The following NFX1 variants were observed in gnomAD, a reference collection of about 807,000 sequenced individuals.
NFX1 encodes the protein transcriptional repressor NF-X1.
NFX1 carries 69 observed loss-of-function variants against 137.2 expected under a neutral mutation model. That is an observed-to-expected ratio of 0.50 (90% confidence interval 0.41 to 0.61). NFX1 has a LOEUF of 0.61. Among genes scored for constraint, NFX1 ranks in the 20% least tolerant of loss-of-function variants. The pLI is 0.00. For missense variants in NFX1, 1,167 were observed against 1,391.0 expected, an observed-to-expected ratio of 0.84 and a Z score of 2.56; for synonymous variants, 495 against 474.1, an observed-to-expected ratio of 1.04 and a Z score of -0.57.
intron 2 of NFX1, among the ~76,000 whole-genome samples, chr9:33,298,238 C>A (rs908952887): frequency 4.6e-5 from 7 of 152,148 alleles, no homozygotes; most frequent in Admixed American, 2.6e-4. Context: ...GACATTTGAA[C>A]AGAGACAAGA....
Position 33,352,730 on chromosome 9 carries a change from C to T in NFX1, c.2729+11C>T, listed in dbSNP as rs1309463497. The T allele has an allele frequency of 6.2e-7, 1 of 1,609,696 alleles. No homozygotes were observed. Among genetic ancestry groups the T allele is most frequent in the Non-Finnish European group, 8.5e-7 (1 of 1,176,062 alleles). ...TAGTACTTATCAAAGGTTAGTGTTA[C>T]TTAAATGTTAACAACTGATGGCCTA... On this transcript the variant is annotated intron_variant, in intron 17 of 23. Transcript: ENST00000379540.
At position 33,332,792 on chromosome 9, in the gene NFX1, A is replaced by C. The variant is rs778955600; in HGVS notation, c.2035+290A>C. ...GATATGTATATGAAAAAATATGTTA[A>C]TGGTAGAATCTAGATATGGGCATAT... On this transcript the variant is annotated intron_variant, in intron 11 of 23. Coordinates refer to ENST00000379540, the MANE Select transcript of NFX1 (RefSeq NM_002504.6). The C allele has an allele frequency of 1.3e-4, 43 of 318,896 alleles. No individual in the cohort carries two copies. The East Asian group carries it at 2.3e-3, about 17-fold the overall frequency. 19.8% of individuals were successfully genotyped at this position (318,896 alleles called of 1,614,324 possible).
rs768771157 is a variant in NFX1, at chr9:33,301,318, A to G, written c.1089A>G (p.Glu363=). The part of the protein sequence containing the change: ...TEKYECMVCC[E]LVRVTAPVWS... ...AATACGAGTGCATGGTGTGCTGTGA[A>G]TTGGTTCGTGTCACGGCCCCAGTGT... Residue 363 remains glutamate, a synonymous_variant, in exon 3 of 24, where the codon GAA becomes GAG. Transcript: ENST00000379540. 9.9e-6 allele frequency: 16 copies of G among 1,614,042 alleles called. No homozygotes were observed. The highest frequency in any genetic ancestry group is 1.7e-5 in the Admixed American group (1 of 59,986).
chr9:33,307,173 C>G (rs748365178), intron 4 of NFX1, 21 bp from the exon 5 acceptor site: 2 of 1,599,220 alleles, frequency 1.3e-6, no homozygotes, highest in Non-Finnish European at 1.7e-6. Flanking sequence ...ACCATTGACT[C>G]TCTGATCTGA....
chr9:33,355,684 G>GCCTA (rs1212841518), intron 19 of NFX1, among the ~76,000 whole-genome samples: 1 of 125,224 alleles, frequency 8.0e-6, no homozygotes, highest in Non-Finnish European at 1.6e-5. Context: ...TTCTCTTGTC[G>GCCTA]CCTAGGCTGG....
intron 10 of NFX1, among the ~76,000 whole-genome samples, chr9:33,331,600 A>G (rs1182432579): frequency 6.6e-6 from 1 of 151,964 alleles, no homozygotes; most frequent in East Asian, 1.9e-4. Context: ...CATCAATCCC[A>G]GACACCTCAT....
chr9:33,368,046 C>T (rs1178726409), intron 23 of NFX1, among the ~76,000 whole-genome samples: 1 of 152,146 alleles, frequency 6.6e-6, no homozygotes, highest in East Asian at 1.9e-4. Flanking sequence ...CCAGCCTGGC[C>T]AACAAGGTGA....
chr9:33,370,133 TC>T lies in NFX1; in HGVS notation c.*158del. On this transcript the variant is annotated 3_prime_UTR_variant, in exon 24 of 24. Transcript: ENST00000379540. ...ATCCAAAGCATGAGTGTGTCAGAAA[TC>T]CCTTGTCTATTCCTGTCTGTATAAA... 1.7e-6 allele frequency: 1 copy of T among 603,040 alleles called. No homozygotes were observed. Among genetic ancestry groups the T allele is most frequent in the Non-Finnish European group, 2.9e-6 (1 of 344,484 alleles). The allele number at this position is 603,040 out of a possible 1,614,324, so 37.4% of individuals were successfully genotyped here. A position where few individuals can be genotyped will look rare whatever the true frequency, so the allele number is the denominator to read the frequency against.
intron 10 of NFX1, among the ~76,000 whole-genome samples, chr9:33,330,504 T>C (rs894619902): frequency 3.3e-5 from 5 of 152,228 alleles, no homozygotes; most frequent in African/African-American, 1.2e-4. Context: ...GGGACCACTT[T>C]TGTACTTTGT....
chr9:33,307,665 C>G (rs1250918451), intron 5 of NFX1, among the ~76,000 whole-genome samples: 1 of 152,166 alleles, frequency 6.6e-6, no homozygotes, highest in Non-Finnish European at 1.5e-5. Context: ...ATGTTTTATC[C>G]CGCATTGATA....
At chr9:33,304,201 G>T (rs1388187482) in intron 4 of NFX1, among the ~76,000 whole-genome samples, 1 of 152,192 alleles carries the variant, frequency 6.6e-6, no homozygotes, top group Non-Finnish European at 1.5e-5. Flanking sequence ...GGCAGAGGTT[G>T]CAATGATCCA....
In NFX1 at chr9:33,300,277, A is replaced by G. The variant is rs945925645; in HGVS notation, c.1034-986A>G. On this transcript the variant is annotated intron_variant, in intron 2 of 23. Transcript: ENST00000379540. ...ATGGGGTTTCACCATGTTGGCCAGG[A>G]TGGTCTTGATCTCCCGACCTCATGA... Among the ~76,000 whole-genome samples the G allele has an allele frequency of 3.3e-5, 5 of 151,798 alleles. No individual in the cohort carries two copies. The South Asian group carries it at 8.3e-4, about 25-fold the overall frequency.
At chr9:33,312,123 C>G (rs1057167822) in intron 6 of NFX1, among the ~76,000 whole-genome samples, 3 of 152,108 alleles carry the variant, frequency 2.0e-5, no homozygotes, top group African/African-American at 7.2e-5. Flanking sequence ...ATTTTTGAAC[C>G]ACAGGATGAG....
chr9:33,308,401 T>C (rs1050511004), intron 5 of NFX1, among the ~76,000 whole-genome samples: 3 of 152,142 alleles, frequency 2.0e-5, no homozygotes, highest in African/African-American at 7.2e-5. Flanking sequence ...GTGATTGCAC[T>C]ATTGCACTCC....
chr9:33,315,934 T>C (rs186204314), intron 7 of NFX1, among the ~76,000 whole-genome samples: 26 of 152,132 alleles, frequency 1.7e-4, no homozygotes, highest in African/African-American at 6.0e-4. Flanking sequence ...AATGCCAGTC[T>C]TTTTGTGGGA....
intron 11 of NFX1, among the ~76,000 whole-genome samples, chr9:33,333,571 G>A (rs1277256311): frequency 6.6e-6 from 1 of 152,214 alleles, no homozygotes; most frequent in African/African-American, 2.4e-5. Context: ...AAGGAAAACA[G>A]TCCTGAAAGG....
intron 1 of NFX1, 75 bp downstream of exon 1, chr9:33,290,672 C>T (rs1452467478): frequency 7.0e-6 from 10 of 1,438,496 alleles, no homozygotes; most frequent in Non-Finnish European, 1.9e-6. Context: ...GTTCTAGGGC[C>T]TCAGCCACTC....
intron 10 of NFX1, among the ~76,000 whole-genome samples, chr9:33,331,485 A>G (rs534399667): frequency 1.8e-4 from 27 of 152,272 alleles, no homozygotes; most frequent in Non-Finnish European, 2.5e-4. Context: ...CCTGCATATC[A>G]TTTCTTCCAT....
intron 6 of NFX1, among the ~76,000 whole-genome samples, chr9:33,312,043 C>T (rs1338320370): frequency 1.3e-5 from 2 of 152,180 alleles, no homozygotes; most frequent in Non-Finnish European, 2.9e-5. Context: ...TACAAGGTCT[C>T]CTACATCATT....
Sources: gnomAD v4.1 joint callset for allele counts (sites outside exome capture counted in the v4.1 genomes callset) on GRCh38, gnomAD v4.1.1 for gene constraint, MANE v1.5 for transcripts, NCBI Gene and HGNC (gene_info 2026-07-23, HGNC 2026-07-21) for gene names.